Variants in PKHD1 observed in about 807,000 individuals in gnomAD.
PKHD1 encodes PKHD1 ciliary IPT domain containing fibrocystin/polyductin.
In PKHD1, 291 loss-of-function variants were observed where a neutral mutation model predicts 412.0. The ratio of observed to expected loss-of-function variants is 0.71; its 90% CI spans 0.64 to 0.78. The LOEUF is 0.78. Among genes scored for constraint, PKHD1 ranks in the 30% least tolerant of loss-of-function variants. The pLI, the probability that PKHD1 is intolerant of heterozygous loss-of-function variation, is 0.00. For synonymous variants in PKHD1, 1,777 were observed against 1,821.5 expected (o/e 0.98, Z 0.62); for missense variants, 4,825 against 4,950.7 (o/e 0.97, Z 0.76).
At chr6:51,945,414 A>G (rs1178788446) in intron 36 of PKHD1, among the ~76,000 whole-genome samples, 1 of 152,170 alleles carries the variant, frequency 6.6e-6, no homozygotes, top group Admixed American at 6.5e-5. Context: ...CTCAGTGCCT[A>G]TTAATGGTCT....
intron 60 of PKHD1, among the ~76,000 whole-genome samples, chr6:51,705,845 G>A (rs1327732531): frequency 1.3e-5 from 2 of 152,152 alleles, no homozygotes; most frequent in Non-Finnish European, 2.9e-5. Context: ...GTCATGGGCA[G>A]AGAAGGGCAA....
At chr6:52,082,657 A>G (rs570269163) in intron 3 of PKHD1, 115 bp from the exon 4 acceptor site, 127 of 927,032 alleles carry the variant, frequency 1.4e-4, no homozygotes, top group Non-Finnish European at 1.9e-4. Flanking sequence ...CCCAAGGATT[A>G]AATTAATACT....
chr6:52,053,023 G>A, intron 21 of PKHD1, 53 bp downstream of exon 21: 1 of 1,564,842 alleles, frequency 6.4e-7, no homozygotes. Context: ...TAGCAGGAAA[G>A]TTTGAGGTAG....
rs369285382 is a variant in PKHD1 at position 52,050,882 on chromosome 6, C to T, written c.2141-587G>A. 9.1e-4 allele frequency among the ~76,000 whole-genome samples: 138 copies of T among 152,256 alleles called. 1 individual carries two copies. Among genetic ancestry groups the T allele is most frequent in the African/African-American group, 2.8e-3 (118 of 41,526 alleles). On this transcript the variant is annotated intron_variant, in intron 21 of 66. Coordinates refer to ENST00000371117, the MANE Select transcript of PKHD1 (RefSeq NM_138694.4). Reference sequence around the variant, plus strand: ...AGACTCAGTTTTCTTATGTGTAAAGCGGGGATTATGACATGCATGATTGAT... The same window carrying T: ...AGACTCAGTTTTCTTATGTGTAAAGTGGGGATTATGACATGCATGATTGAT...
At chr6:52,006,898 A>G (rs914186612) in intron 35 of PKHD1, among the ~76,000 whole-genome samples, 6 of 152,024 alleles carry the variant, frequency 3.9e-5, no homozygotes, top group Admixed American at 1.3e-4. Context: ...ATGCCTTTGC[A>G]TCTTCATAGC....
At position 51,636,528 on chromosome 6, in the gene PKHD1, T is replaced by G. The variant is rs577740723; in HGVS notation, c.11506+2321A>C. ...AGCCACTGCACTCCAGCCTGGGTGT[T>G]GGGTGACAGATTGAGACCCTCTCTA... On this transcript the variant is annotated intron_variant, in intron 64 of 66. Transcript: ENST00000371117. 6.3e-4 allele frequency among the ~76,000 whole-genome samples: 96 copies of G among 152,032 alleles called. 1 individual carries two copies. The highest frequency in any genetic ancestry group is 2.2e-3 in the African/African-American group (92 of 41,458).
At chr6:52,006,998 A>G (rs1303877095) in intron 35 of PKHD1, among the ~76,000 whole-genome samples, 2 of 152,288 alleles carry the variant, frequency 1.3e-5, no homozygotes, top group East Asian at 3.9e-4. Flanking sequence ...AGTTCCATCC[A>G]GGTTGCTACA....
chr6:52,004,340 TG>T (rs1346234864), intron 35 of PKHD1, among the ~76,000 whole-genome samples: 1 of 152,224 alleles, frequency 6.6e-6, no homozygotes, highest in Non-Finnish European at 1.5e-5. Context: ...TATTAATTTT[TG>T]AAATAGTTTT....
intron 8 of PKHD1, 52 bp from the exon 9 acceptor site, chr6:52,071,122 A>C: frequency 1.7e-6 from 2 of 1,193,206 alleles, no homozygotes; most frequent in Non-Finnish European, 2.5e-6. Context: ...CACTACCAGA[A>C]GATCTGACTC....
At chr6:51,927,276 G>A (rs568167665) in intron 37 of PKHD1, among the ~76,000 whole-genome samples, 1 of 151,926 alleles carries the variant, frequency 6.6e-6, no homozygotes, top group Non-Finnish European at 1.5e-5. Flanking sequence ...TTGTTGGGTG[G>A]GACTTCTGCT....
At chr6:52,024,519 G>T in intron 32 of PKHD1, 55 bp downstream of exon 32, 1 of 1,508,466 alleles carries the variant, frequency 6.6e-7, no homozygotes. Flanking sequence ...GAAGTGAAAG[G>T]AGCTACCAAT....
rs543037335 is a variant in PKHD1, at chr6:51,960,002, G to A, written c.5776C>T (p.Arg1926Trp). 214 of 1,613,250 alleles carry A rather than the reference G, an allele frequency of 1.3e-4. No homozygotes were observed. The highest frequency in any genetic ancestry group is 1.5e-4 in the Non-Finnish European group (176 of 1,179,582). The change falls in exon 36 of 67, where the codon CGG becomes TGG. Residue 1926 changes from arginine (R) to tryptophan (W), a missense_variant. Transcript: ENST00000371117. ...CAGCTGTGAGTCCTGGACCATCTCC[G>A]GCAGAACTGTAAAGAAAAGTTGCCC... is the stretch of plus-strand genomic sequence containing the variant. ...TQGNFSLQFC[R>W]RWSRTHSWFP...
chr6:51,787,953 T>C (rs1220051702), intron 53 of PKHD1, among the ~76,000 whole-genome samples: 5 of 152,202 alleles, frequency 3.3e-5, no homozygotes, highest in Non-Finnish European at 2.9e-5. Flanking sequence ...TCTCAATTAA[T>C]TGGATGAGGA....
intron 64 of PKHD1, among the ~76,000 whole-genome samples, chr6:51,637,150 G>GT (rs905047043): frequency 1.1e-4 from 17 of 152,254 alleles, no homozygotes; most frequent in Non-Finnish European, 2.5e-4. Context: ...ACTTGATAAC[G>GT]TATTTGGTTA....
At chr6:51,720,032 T>G (rs1170820038) in intron 60 of PKHD1, among the ~76,000 whole-genome samples, 1 of 152,194 alleles carries the variant, frequency 6.6e-6, no homozygotes. Context: ...CTTTCAGATG[T>G]GTGTGCATGG....
In PKHD1 at chr6:52,034,879, A is replaced by C. The variant is rs112311202; in HGVS notation, c.3228+712T>G. Among the ~76,000 whole-genome samples, 534 of 152,368 alleles carry C rather than the reference A, an allele frequency of 3.5e-3. 3 individuals carry two copies. Among genetic ancestry groups the C allele is most frequent in the African/African-American group, 0.012 (515 of 41,582 alleles). On this transcript the variant is annotated intron_variant, in intron 28 of 66. Transcript: ENST00000371117. The stretch of plus-strand genomic sequence containing the variant: ...AGATTAAAATGTAGGACTAGTGATC[A>C]AAGAATATTTTGAAACTTATCTCCC...
At chr6:51,716,424 T>C (rs1041279916) in intron 60 of PKHD1, among the ~76,000 whole-genome samples, 10 of 152,150 alleles carry the variant, frequency 6.6e-5, no homozygotes, top group Admixed American at 4.6e-4. Flanking sequence ...TGTAATACAA[T>C]GGTTTAGGTT....
intron 37 of PKHD1, among the ~76,000 whole-genome samples, chr6:51,925,570 T>C (rs778046773): frequency 6.6e-6 from 1 of 152,106 alleles, no homozygotes. Context: ...TCCAATCAGC[T>C]GAAGGCCTGA....
intron 60 of PKHD1, among the ~76,000 whole-genome samples, chr6:51,730,063 G>A (rs938089064): frequency 2.0e-5 from 3 of 151,996 alleles, no homozygotes; most frequent in African/African-American, 4.8e-5. Context: ...ATGTTTCTTG[G>A]AATTCTTTGC....
Sources: allele counts gnomAD v4.1 joint callset (sites outside exome capture counted in the v4.1 genomes callset), GRCh38; gene constraint gnomAD v4.1.1; transcripts MANE v1.5; gene names NCBI Gene and HGNC (gene_info 2026-07-23, HGNC 2026-07-21).